Variants in FAM83G observed in about 807,000 individuals in gnomAD.
The protein encoded by FAM83G is protein FAM83G.
A neutral mutation model predicts 61.5 loss-of-function variants in FAM83G; 38 were observed. The ratio of observed to expected loss-of-function variants is 0.62; its 90% CI spans 0.48 to 0.81. The LOEUF is 0.81. Ranked by LOEUF, FAM83G falls within the 30% of genes least tolerant of loss-of-function variation. FAM83G has a pLI of 0.00. For missense variants in FAM83G, 989 were observed against 1,133.6 expected (o/e 0.87, Z 1.83); for synonymous variants, 470 against 476.1 (o/e 0.99, Z 0.17).
chr17:18,975,417 C>T lies in FAM83G; in HGVS notation c.2082+2167G>A, dbSNP rs111653832. Among the ~76,000 whole-genome samples the T allele has an allele frequency of 4.3e-3, 661 of 152,290 alleles. 3 individuals are homozygous for T. The highest frequency in any genetic ancestry group is 0.015 in the African/African-American group (629 of 41,570). The stretch of plus-strand genomic sequence containing the variant: ...TTAAAATCACGGAGGCAGCCGGATG[C>T]GGTGGCTCACACCTGTAATCCCAGC... On this transcript the variant is annotated intron_variant, in intron 5 of 5. Transcript: ENST00000388995.
At chr17:19,005,651 C>CCG (rs1645042199), upstream of FAM83G, among the ~76,000 whole-genome samples, 1 of 151,912 alleles carries the variant, frequency 6.6e-6, no homozygotes, top group South Asian at 2.1e-4. Context: ...CCTCAAACCC[C>CCG]CCCCCTCCAA....
rs1219499447 is a variant in FAM83G at position 18,969,453 on chromosome 17, C to T, written c.*1906G>A. The T allele has an allele frequency of 6.3e-7, 1 of 1,597,540 alleles. No homozygotes were observed. The highest frequency in any genetic ancestry group is 8.6e-7 in the Non-Finnish European group (1 of 1,166,408). ...GACAGAGTCTGTGGCCATGGCGGGG[C>T]TGTCCCCACAGCGAGCCCTTTGGAG... On this transcript the variant is annotated 3_prime_UTR_variant, in exon 6 of 6. Transcript: ENST00000388995.
At position 19,003,489 on chromosome 17, in the gene FAM83G, C is replaced by T. The variant is rs1420244846; in HGVS notation, c.522+31G>A. 6.6e-7 allele frequency: 1 copy of T among 1,505,444 alleles called. No individual in the cohort carries two copies. The highest frequency in any genetic ancestry group is 2.3e-5 in the East Asian group (1 of 42,670). 93.3% of individuals were successfully genotyped at this position (1,505,444 alleles called of 1,614,324 possible). On this transcript the variant is annotated intron_variant, in intron 2 of 5. Coordinates refer to ENST00000388995, the MANE Select transcript of FAM83G (RefSeq NM_001039999.3). This position sits in a 1 kb window ranked among gnomAD's most constrained non-coding sequence, Gnocchi z 4.5. The stretch of plus-strand genomic sequence containing the variant: ...AGAGGGGTCCGGTGGCTGGTTGGGC[C>T]ATGGCTCCAGGAGTCCCCGCGCTGC...
upstream of FAM83G, among the ~76,000 whole-genome samples, chr17:19,005,344 C>T (rs1188414193): frequency 6.6e-6 from 1 of 152,196 alleles, no homozygotes; most frequent in East Asian, 1.9e-4. Context: ...CCAAGAGGGC[C>T]GCTGTGGGCT....
At chr17:18,997,256 C>T (rs1015443209) in intron 2 of FAM83G, among the ~76,000 whole-genome samples, 3 of 152,256 alleles carry the variant, frequency 2.0e-5, no homozygotes, top group East Asian at 1.9e-4. Flanking sequence ...CTCCCCCAGA[C>T]GGACATCAGC....
intron 2 of FAM83G, among the ~76,000 whole-genome samples, chr17:18,989,097 A>G (rs1010000536): frequency 1.1e-4 from 16 of 152,332 alleles, no homozygotes; most frequent in Middle Eastern, 6.8e-3. Context: ...GAGTCAGGAC[A>G]GGGCCTGTGC....
intron 3 of FAM83G, among the ~76,000 whole-genome samples, chr17:18,980,845 C>T (rs1319373261): frequency 3.3e-5 from 5 of 152,124 alleles, no homozygotes; most frequent in Admixed American, 3.3e-4. Flanking sequence ...TGAGGTCAGG[C>T]AGGGAATCTC....
At position 18,977,971 on chromosome 17, in the gene FAM83G, G is replaced by A. The variant is rs905241832; in HGVS notation, c.1695C>T (p.Pro565=). 5.0e-6 allele frequency: 8 copies of A among 1,588,394 alleles called. No individual in the cohort carries two copies. The highest frequency in any genetic ancestry group is 4.5e-5 in the East Asian group (2 of 44,572). Residue 565 remains proline (P), a synonymous_variant, in exon 5 of 6, where the codon CCC becomes CCT. Coordinates refer to ENST00000388995, the MANE Select transcript of FAM83G (RefSeq NM_001039999.3). Reference sequence around the variant, plus strand: ...TGGGGAGCCCCACCCCGAGGCTCTCGGGGTCATCCTGGGTCACAGATAGCT... The same window carrying A: ...TGGGGAGCCCCACCCCGAGGCTCTCAGGGTCATCCTGGGTCACAGATAGCT... ...QRQLSVTQDD[P]ESLGVGLPNG...
chr17:18,977,545 G>A (rs1483693890), intron 5 of FAM83G, 39 bp downstream of exon 5: 1 of 1,575,220 alleles, frequency 6.3e-7, no homozygotes, highest in Non-Finnish European at 8.6e-7. Context: ...CTGGCAGGGA[G>A]GGACTCGTGA....
chr17:18,983,366 A>G (rs1049668282), intron 3 of FAM83G, among the ~76,000 whole-genome samples: 18 of 152,234 alleles, frequency 1.2e-4, no homozygotes, highest in African/African-American at 4.3e-4. Context: ...CCAGTGAGCC[A>G]TGTAGGCAGC....
chr17:18,981,187 C>T (rs1597855568), intron 3 of FAM83G, among the ~76,000 whole-genome samples: 1 of 152,128 alleles, frequency 6.6e-6, no homozygotes, highest in Admixed American at 6.5e-5. Flanking sequence ...GAGGAGTAGC[C>T]TGAAGTGTGA....
In FAM83G at chr17:19,003,335, C is replaced by T. The variant is rs2043780073; in HGVS notation, c.522+185G>A. 6.6e-6 allele frequency among the ~76,000 whole-genome samples: 1 copy of T among 152,018 alleles called. No individual in the cohort carries two copies. Among genetic ancestry groups the T allele is most frequent in the Non-Finnish European group, 1.5e-5 (1 of 67,982 alleles). On this transcript the variant is annotated intron_variant, in intron 2 of 5. Coordinates refer to ENST00000388995, the MANE Select transcript of FAM83G (RefSeq NM_001039999.3). This position sits in a 1 kb window ranked among gnomAD's most constrained non-coding sequence, Gnocchi z 4.5. ...GCTAGGACCTGGGAACCCTACCCTG[C>T]AAAGAAACTGCGGATCCCCACGAAG... is the stretch of plus-strand genomic sequence containing the variant.
At chr17:18,974,325 T>C (rs991535870) in intron 5 of FAM83G, among the ~76,000 whole-genome samples, 1 of 152,246 alleles carries the variant, frequency 6.6e-6, no homozygotes, top group Admixed American at 6.5e-5. Context: ...CACTATCTTC[T>C]GGCTCATCCA....
Position 18,971,037 on chromosome 17 carries a change from G to C in FAM83G, c.*322C>G. 6.2e-7 allele frequency: 1 copy of C among 1,613,884 alleles called. No homozygotes were observed. The highest frequency in any genetic ancestry group is 1.3e-5 in the African/African-American group (1 of 75,026). The stretch of plus-strand genomic sequence containing the variant: ...GCTTTTGACCAGATCGGTGGTTACG[G>C]GCAGCTGGAGGCAGCCTACGCCCAG... On this transcript the variant is annotated 3_prime_UTR_variant, in exon 6 of 6. Transcript: ENST00000388995. The surrounding 1 kb of genome is among the most constrained non-coding windows in gnomAD (Gnocchi z 5.5).
At chr17:18,981,008 T>TC (rs1052889981) in intron 3 of FAM83G, among the ~76,000 whole-genome samples, 61 of 152,244 alleles carry the variant, frequency 4.0e-4, no homozygotes, top group African/African-American at 1.5e-3. Flanking sequence ...TACTGGTCTG[T>TC]CCCCTCACCC....
rs1001128638 is a variant in FAM83G, at chr17:19,000,911, G to A, written c.522+2609C>T. On this transcript the variant is annotated intron_variant, in intron 2 of 5. Transcript: ENST00000388995. This position sits in a 1 kb window ranked among gnomAD's most constrained non-coding sequence, Gnocchi z 5.2. ...CCCTGTGAGCCTGGGAAGCAGCTGG[G>A]GCAGGACAGCTGGAGGACTGCAGTG... 1.3e-5 allele frequency among the ~76,000 whole-genome samples: 2 copies of A among 152,266 alleles called. No homozygotes were observed. Among genetic ancestry groups the A allele is most frequent in the African/African-American group, 2.4e-5 (1 of 41,542 alleles).
rs201298825 is a variant in FAM83G at position 18,971,008 on chromosome 17, T to A, written c.*351A>T. The A allele has an allele frequency of 1.2e-6, 2 of 1,613,814 alleles. No homozygotes were observed. The highest frequency in any genetic ancestry group is 1.7e-6 in the Non-Finnish European group (2 of 1,179,988). Reference sequence around the variant, plus strand: ...ACTGTCCCTGTTCCACCCTGACCCCTCCAGCTTTTGACCAGATCGGTGGTT... The same window carrying A: ...ACTGTCCCTGTTCCACCCTGACCCCACCAGCTTTTGACCAGATCGGTGGTT... On this transcript the variant is annotated 3_prime_UTR_variant, in exon 6 of 6. Transcript: ENST00000388995. This position sits in a 1 kb window ranked among gnomAD's most constrained non-coding sequence, Gnocchi z 5.5.
At chr17:18,977,431 C>T (rs1303573210) in intron 5 of FAM83G, 153 bp downstream of exon 5, 19 of 784,594 alleles carry the variant, frequency 2.4e-5, no homozygotes, top group South Asian at 1.4e-4. Flanking sequence ...CCGGTTCCCA[C>T]CCCTGCCTGT....
chr17:18,970,353 A>G lies in FAM83G; in HGVS notation c.*1006T>C, dbSNP rs1166805355. The G allele has an allele frequency of 6.5e-6, 1 of 153,714 alleles. No individual in the cohort carries two copies. The highest frequency in any genetic ancestry group is 1.4e-5 in the Non-Finnish European group (1 of 69,126). 9.5% of individuals were successfully genotyped at this position (153,714 alleles called of 1,614,324 possible). A position where few individuals can be genotyped will look rare whatever the true frequency, so the allele number is the denominator to read the frequency against. Reference sequence around the variant, plus strand: ...GCCCAGTCTGGAAGGGAGGGGAGTGACACAGACACAGATGGGCCAGGGCTT... The same window carrying G: ...GCCCAGTCTGGAAGGGAGGGGAGTGGCACAGACACAGATGGGCCAGGGCTT... On this transcript the variant is annotated 3_prime_UTR_variant, in exon 6 of 6. Coordinates refer to ENST00000388995, the MANE Select transcript of FAM83G (RefSeq NM_001039999.3).
Sources: allele counts gnomAD v4.1 joint callset (sites outside exome capture counted in the v4.1 genomes callset), GRCh38; gene constraint gnomAD v4.1.1; non-coding constraint Gnocchi (gnomAD v3.1); transcripts MANE v1.5; gene names NCBI Gene and HGNC (gene_info 2026-07-23, HGNC 2026-07-21).